The following LINC00632 variants were observed in gnomAD, a reference collection of about 807,000 sequenced individuals.
The protein encoded by LINC00632 is ALDOA related specific transcript.
At chrX:140,767,506 T>G (rs1343979586) in intron 3 of LINC00632, among the ~76,000 whole-genome samples, 1 of 112,161 alleles carries the variant, frequency 8.9e-6, no homozygotes, top group Non-Finnish European at 1.9e-5. Context: ...TTTAAAGAAG[T>G]GGTTCTATGC....
At chrX:140,711,032 A>AT (rs113110315) in intron 1 of LINC00632, among the ~76,000 whole-genome samples, 52 of 111,627 alleles carry the variant, frequency 4.7e-4, no homozygotes, top group African/African-American at 1.6e-3. Context: ...ACATACTGAC[A>AT]TGCAAATAAT....
intron 3 of LINC00632, among the ~76,000 whole-genome samples, chrX:140,759,294 TTCCTTCCTTCCTTCC>T (rs1569354223): frequency 4.5e-4 from 13 of 28,692 alleles, no homozygotes; most frequent in African/African-American, 1.7e-3. Context: ...CTTTCTTTCC[TTCCTTCCTTCCTTCC>T]TTCCTTCCTT....
chrX:140,732,359 T>C (rs1186959091), intron 2 of LINC00632, among the ~76,000 whole-genome samples: 2 of 112,035 alleles, frequency 1.8e-5, no homozygotes, highest in African/African-American at 6.5e-5. Context: ...CGAAGCAGAC[T>C]ACATCCTAAG....
intron 3 of LINC00632, among the ~76,000 whole-genome samples, chrX:140,759,832 G>A (rs1211032162): frequency 1.8e-5 from 2 of 111,745 alleles, no homozygotes; most frequent in Non-Finnish European, 1.9e-5. Context: ...GGTGCTGATA[G>A]TCTAACAAGG....
intron 2 of LINC00632, among the ~76,000 whole-genome samples, chrX:140,716,804 C>CACACAG (rs1556019595): frequency 8.3e-5 from 9 of 109,064 alleles, no homozygotes; most frequent in African/African-American, 2.4e-4. Flanking sequence ...CACACACACA[C>CACACAG]ACACACACAC....
chrX:140,731,787 G>T lies in LINC00632; in HGVS notation n.105-2091G>T, dbSNP rs758453650. Among the ~76,000 whole-genome samples the T allele has an allele frequency of 8.7e-4, 97 of 111,629 alleles. 2 individuals are homozygous for T. Among genetic ancestry groups the T allele is most frequent in the Non-Finnish European group, 7.9e-4 (42 of 53,145 alleles). ...GATGCCATTTTGTATGCCTGGACTC[G>T]TGCAGAGATAAATACAGGTGAATAC... is the stretch of plus-strand genomic sequence containing the variant. On this transcript the variant is annotated intron_variant and non_coding_transcript_variant, in intron 2 of 4. Transcript: ENST00000648200.
chrX:140,774,372 G>A (rs1291958246), intron 4 of LINC00632, among the ~76,000 whole-genome samples: 1 of 111,842 alleles, frequency 8.9e-6, no homozygotes, highest in Non-Finnish European at 1.9e-5. Context: ...AACAAACACC[G>A]ATAAGTATTT....
At chrX:140,728,500 G>A (rs1931003621) in intron 2 of LINC00632, among the ~76,000 whole-genome samples, 1 of 109,355 alleles carries the variant, frequency 9.1e-6, no homozygotes, top group Non-Finnish European at 1.9e-5. Context: ...TGCACCACAG[G>A]ATCAAGACCT....
intron 2 of LINC00632, among the ~76,000 whole-genome samples, chrX:140,719,217 A>C (rs1930688577): frequency 2.7e-5 from 3 of 111,957 alleles, no homozygotes; most frequent in Admixed American, 9.5e-5. Flanking sequence ...CATAACACAC[A>C]GACTTGCTCT....
chrX:140,748,880 A>AT (rs1556024935), intron 3 of LINC00632, among the ~76,000 whole-genome samples: 1 of 103,693 alleles, frequency 9.6e-6, no homozygotes, highest in East Asian at 2.9e-4. Context: ...TGTATATAAA[A>AT]ATATATAAAA....
chrX:140,759,427 G>C (rs1209056035), intron 3 of LINC00632, among the ~76,000 whole-genome samples: 4 of 108,432 alleles, frequency 3.7e-5, no homozygotes, highest in African/African-American at 1.3e-4. Flanking sequence ...CTCAATCATA[G>C]CTCACTGCAG....
At chrX:140,727,894 C>T (rs1350012794) in intron 2 of LINC00632, among the ~76,000 whole-genome samples, 1 of 111,677 alleles carries the variant, frequency 9.0e-6, no homozygotes, top group Non-Finnish European at 1.9e-5. Flanking sequence ...AAGAAGAGAT[C>T]CCAAATATCC....
At chrX:140,773,658 G>GA (rs904885631) in exon 4 of LINC00632, among the ~76,000 whole-genome samples, 25 of 110,626 alleles carry the variant, frequency 2.3e-4, no homozygotes, top group South Asian at 7.7e-4. Context: ...ACATTTAAAT[G>GA]AAAAAAAAAT....
chrX:140,730,411 T>C (rs774297056), intron 2 of LINC00632, among the ~76,000 whole-genome samples: 44 of 110,840 alleles, frequency 4.0e-4, no homozygotes, highest in African/African-American at 1.2e-3. Flanking sequence ...ACTTCCCTTG[T>C]AACAAAAAGA....
At chrX:140,776,801 A>G (rs1046450229) in exon 5 of LINC00632, among the ~76,000 whole-genome samples, 3 of 111,514 alleles carry the variant, frequency 2.7e-5, no homozygotes, top group African/African-American at 9.8e-5. Flanking sequence ...GTATATACCC[A>G]AAAGATTATA....
At chrX:140,719,076 A>G (rs1569347435) in intron 2 of LINC00632, among the ~76,000 whole-genome samples, 2 of 112,234 alleles carry the variant, frequency 1.8e-5, no homozygotes, top group African/African-American at 3.2e-5. Context: ...TAACACATAC[A>G]TTATCCCCGT....
intron 3 of LINC00632, among the ~76,000 whole-genome samples, chrX:140,765,695 G>A (rs779108118): frequency 9.4e-6 from 1 of 106,826 alleles, no homozygotes; most frequent in African/African-American, 3.4e-5. Flanking sequence ...CTCCTAGTAA[G>A]TGACTAGACA....
At chrX:140,761,169 T>A (rs183771711) in intron 3 of LINC00632, among the ~76,000 whole-genome samples, 281 of 112,647 alleles carry the variant, frequency 2.5e-3, no homozygotes, top group African/African-American at 8.5e-3. Context: ...CAAGTACAGC[T>A]GCATTTAGCA....
chrX:140,772,100 G>A (rs1254755030), exon 4 of LINC00632: 3 of 292,021 alleles, frequency 1.0e-5, no homozygotes, highest in Non-Finnish European at 1.2e-5. Context: ...TCACCTCAGC[G>A]TGATAGCCTG....
Sources: gnomAD v4.1 joint callset for allele counts (sites outside exome capture counted in the v4.1 genomes callset) on GRCh38, gnomAD v4.1.1 for gene constraint, MANE v1.5 for transcripts, NCBI Gene and HGNC (gene_info 2026-07-23, HGNC 2026-07-21) for gene names.